Variants in GALC observed in about 807,000 individuals in gnomAD.
GALC encodes the protein galactocerebrosidase.
A neutral mutation model predicts 91.8 loss-of-function variants in GALC; 77 were observed. The observed-to-expected ratio is 0.84, with a 90% CI of 0.70 to 1.01. The LOEUF (loss-of-function observed/expected upper bound fraction) is 1.01, where lower values mean the gene tolerates loss of function less well. Among genes scored for constraint, GALC ranks in the 50% least tolerant of loss-of-function variants. GALC has a pLI of 0.00. For synonymous variants in GALC, 357 were observed against 306.7 expected (o/e 1.16, Z -1.71); for missense variants, 882 against 855.9 (o/e 1.03, Z -0.38).
At chr14:87,952,872 A>C in intron 10 of GALC, 1 of 1,065,130 alleles carries the variant, frequency 9.4e-7, no homozygotes, top group Non-Finnish European at 1.4e-6. Context: ...ATTTGAAAGC[A>C]TAGTTCTGCA....
intron 6 of GALC, among the ~76,000 whole-genome samples, chr14:87,981,921 T>C (rs1035117397): frequency 5.9e-5 from 9 of 152,114 alleles, no homozygotes; most frequent in African/African-American, 2.2e-4. Context: ...ATAAAATTTA[T>C]CAGAATTCCA....
At chr14:87,951,555 A>G (rs971766587) in intron 10 of GALC, among the ~76,000 whole-genome samples, 8 of 151,940 alleles carry the variant, frequency 5.3e-5, no homozygotes, top group Non-Finnish European at 8.8e-5. Context: ...TCAAGCGCAC[A>G]TGGAACACTG....
At chr14:87,965,258 C>CAGCT (rs1356139337) in intron 9 of GALC, among the ~76,000 whole-genome samples, 1 of 152,120 alleles carries the variant, frequency 6.6e-6, no homozygotes, top group Admixed American at 6.6e-5. Flanking sequence ...TATCACTACA[C>CAGCT]AGCTCCTCCT....
chr14:87,992,450 A>G (rs1450649926), intron 1 of GALC: 2 of 1,534,692 alleles, frequency 1.3e-6, no homozygotes, highest in Non-Finnish European at 1.7e-6. Context: ...TCTCTGGAGG[A>G]GCCCATTCTT....
intron 14 of GALC, 132 bp from the exon 15 acceptor site, chr14:87,941,690 T>A: frequency 1.4e-6 from 1 of 710,842 alleles, no homozygotes; most frequent in Non-Finnish European, 2.5e-6. Flanking sequence ...AGTCTAAGCC[T>A]GTAGCAGAGA....
chr14:87,956,591 TATACACAC>T (rs1885563123), intron 10 of GALC, among the ~76,000 whole-genome samples: 1 of 123,600 alleles, frequency 8.1e-6, no homozygotes, highest in Non-Finnish European at 1.7e-5. Context: ...ACACCATATA[TATACACAC>T]ACACACACAC....
Position 87,986,583 on chromosome 14 carries a change from G to A in GALC, c.348C>T (p.His116=), listed in dbSNP as rs756456886. The stretch of plus-strand genomic sequence containing the variant: ...AATTCTCATCTAGTGCATAATGCAT[G>A]TGGGAGGGCTCAGTGCCGTCTGAAT... The part of the protein sequence containing the change: ...GQTTDGTEPS[H]MHYALDENYF... Residue 116 remains histidine (H), a synonymous_variant, in exon 4 of 17, where the codon CAC becomes CAT. Transcript: ENST00000261304. 1.5e-5 allele frequency: 24 copies of A among 1,612,772 alleles called. No homozygotes were observed. The highest frequency in any genetic ancestry group is 1.7e-5 in the Non-Finnish European group (20 of 1,178,962).
chr14:87,970,047 G>C (rs186879724), intron 7 of GALC, among the ~76,000 whole-genome samples: 5 of 152,116 alleles, frequency 3.3e-5, no homozygotes, highest in African/African-American at 1.2e-4. Flanking sequence ...GAACTATAAC[G>C]CCCAACCTGA....
At chr14:87,981,541 C>T (rs1595232713) in intron 6 of GALC, 1 of 157,790 alleles carries the variant, frequency 6.3e-6, no homozygotes, top group South Asian at 1.9e-4. Context: ...AAGATACATA[C>T]AAGAAGACAA....
In GALC at chr14:87,976,846, C is replaced by T. The variant is rs78606599; in HGVS notation, c.622-358G>A. The T allele has an allele frequency of 2.8e-3, 761 of 268,880 alleles. 32 individuals carry two copies. In the East Asian group the frequency reaches 0.067, roughly 24 times the overall value. The allele number at this position is 268,880 out of a possible 1,614,324, so 16.7% of individuals were successfully genotyped here. A position where few individuals can be genotyped will look rare whatever the true frequency, so the allele number is the denominator to read the frequency against. On this transcript the variant is annotated intron_variant, in intron 6 of 16. Coordinates refer to ENST00000261304, the MANE Select transcript of GALC (RefSeq NM_000153.4). ...GGCCAGGCTGGTCTTGAACTCCTGA[C>T]CTCATGGATGATAATTTCAATACTA...
chr14:87,935,341 C>CAGA (rs1161230999), intron 16 of GALC, among the ~76,000 whole-genome samples: 10 of 152,184 alleles, frequency 6.6e-5, no homozygotes, highest in Admixed American at 6.5e-4. Flanking sequence ...CATTAAGGAG[C>CAGA]CTCTGCCCAG....
At chr14:87,958,359 TA>T (rs1334404425) in intron 10 of GALC, among the ~76,000 whole-genome samples, 1 of 151,568 alleles carries the variant, frequency 6.6e-6, no homozygotes, top group Non-Finnish European at 1.5e-5. Flanking sequence ...GAATAATCAC[TA>T]AAAAAAACTC....
intron 10 of GALC, among the ~76,000 whole-genome samples, chr14:87,956,597 C>CACACACTATATAT (rs1566982326): frequency 7.5e-6 from 1 of 133,566 alleles, no homozygotes; most frequent in African/African-American, 2.6e-5. Context: ...TATATATACA[C>CACACACTATATAT]ACACACACAC....
At chr14:87,936,752 G>A (rs1206083305) in intron 16 of GALC, among the ~76,000 whole-genome samples, 1 of 151,264 alleles carries the variant, frequency 6.6e-6, no homozygotes, top group Non-Finnish European at 1.5e-5. Context: ...ATAAGGAAAT[G>A]GATACTCAAA....
intron 6 of GALC, among the ~76,000 whole-genome samples, chr14:87,979,424 A>G (rs907388597): frequency 6.6e-6 from 1 of 152,170 alleles, no homozygotes; most frequent in Admixed American, 6.5e-5. Context: ...ATCCTGAGAG[A>G]TTTTACTGCA....
chr14:87,972,220 A>G (rs1432764356), intron 7 of GALC, among the ~76,000 whole-genome samples: 3 of 152,164 alleles, frequency 2.0e-5, no homozygotes, highest in Admixed American at 2.0e-4. Flanking sequence ...AATATGAACT[A>G]CCTCTATATA....
upstream of GALC, chr14:87,993,502 C>A: frequency 2.6e-6 from 4 of 1,531,640 alleles, no homozygotes; most frequent in Non-Finnish European, 3.5e-6. Flanking sequence ...CCCAGCATCT[C>A]AGGGAGTATC....
chr14:87,958,511 A>C (rs1183524874), intron 10 of GALC, among the ~76,000 whole-genome samples: 1 of 152,182 alleles, frequency 6.6e-6, no homozygotes, highest in African/African-American at 2.4e-5. Context: ...TTATATAGGA[A>C]CACAAAAGAC....
intron 10 of GALC, chr14:87,953,854 A>T: frequency 6.2e-7 from 1 of 1,610,064 alleles, no homozygotes; most frequent in Non-Finnish European, 8.5e-7. Context: ...TGTCATGTGA[A>T]GGAAATAAAC....
Sources: gnomAD v4.1 joint callset for allele counts (sites outside exome capture counted in the v4.1 genomes callset) on GRCh38, gnomAD v4.1.1 for gene constraint, MANE v1.5 for transcripts, NCBI Gene and HGNC (gene_info 2026-07-23, HGNC 2026-07-21) for gene names.